RGSL1: variants seen among roughly 807,000 people sequenced by gnomAD.
RGSL1 encodes the protein regulator of G protein signaling like 1.
In RGSL1, 97 loss-of-function variants were observed where a neutral mutation model predicts 124.7. That is an observed-to-expected ratio of 0.78 (90% CI 0.66 to 0.92). RGSL1 has a LOEUF of 0.92. RGSL1 is among the 40% of genes least tolerant of loss of function. The pLI, the probability that RGSL1 is intolerant of heterozygous loss-of-function variation, is 0.00. For synonymous variants in RGSL1, 424 were observed against 438.1 expected, an observed-to-expected ratio of 0.97 and a Z score of 0.40; for missense variants, 1,233 against 1,288.4, an observed-to-expected ratio of 0.96 and a Z score of 0.66.
In RGSL1 at chr1:182,475,653, T is replaced by C. The variant is rs553322335; in HGVS notation, c.1431+1111T>C. ...TTCACAGTGATCTAGTTTGGAGGGA[T>C]TGGAGAAATAGATACCCCAAGCTCA... On this transcript the variant is annotated intron_variant, in intron 6 of 21. Coordinates refer to ENST00000294854, the MANE Select transcript of RGSL1 (RefSeq NM_001137669.2). Among the ~76,000 whole-genome samples, 237 of 152,080 alleles carry C rather than the reference T, an allele frequency of 1.6e-3. 4 individuals are homozygous for C. The highest frequency in any genetic ancestry group is 0.015 in the South Asian group (70 of 4,804).
intron 14 of RGSL1, 106 bp from the exon 15 acceptor site, chr1:182,540,141 A>C: frequency 8.5e-7 from 1 of 1,175,018 alleles, no homozygotes; most frequent in African/African-American, 1.6e-5. Flanking sequence ...TCAGTAGGCC[A>C]AAAGGATGGA....
chr1:182,489,498 AC>A (rs1179440663), intron 8 of RGSL1, among the ~76,000 whole-genome samples: 3 of 152,210 alleles, frequency 2.0e-5, no homozygotes, highest in African/African-American at 7.2e-5. Context: ...ACTCTGGCCC[AC>A]CAAAGCATCA....
Position 182,527,736 on chromosome 1 carries a change from G to T in RGSL1, c.2089G>T (p.Val697Leu). 2 of 1,550,982 alleles carry T rather than the reference G, an allele frequency of 1.3e-6. No homozygotes were observed. The highest frequency in any genetic ancestry group is 1.2e-5 in the South Asian group (1 of 83,924). ...GATTTGCAAGTCTCTCATAGAAAAT[G>T]TAATCAAGACTTTCTTCCAAGGCCA... ...EKICKSLIEN[V>L]IKTFFQGQLS... Residue 697 changes from valine (V) to leucine (L), a missense_variant, in exon 11 of 22, where the codon GTA becomes TTA. Val to Leu is a conservative substitution (Grantham distance 32, BLOSUM62 1). Transcript: ENST00000294854.
At position 182,522,077 on chromosome 1, in the gene RGSL1, A is replaced by G; in HGVS notation, c.1899A>G (p.Arg633=). Residue 633 remains arginine, a synonymous_variant, in exon 10 of 22, where the codon AGA becomes AGG. Coordinates refer to ENST00000294854, the MANE Select transcript of RGSL1 (RefSeq NM_001137669.2). ...ATAGGAAAATGTCCTTGCTCAAAAG[A>G]ACTCTTGTAAGGAAGCCATCAATGA... ...RSNRKMSLLK[R]TLVRKPSMRP... The G allele has an allele frequency of 6.5e-7, 1 of 1,550,204 alleles. No individual in the cohort carries two copies. The highest frequency in any genetic ancestry group is 8.7e-7 in the Non-Finnish European group (1 of 1,146,474).
chr1:182,473,924 G>A lies in RGSL1; in HGVS notation c.813G>A (p.Lys271=). ...PDSWSLEMDL[K]PDAIGMPLQE... is the part of the protein sequence containing the mutation. ...CTTGGTCTCTGGAAATGGATCTCAA[G>A]CCAGATGCTATTGGTATGCCCCTAC... is the stretch of plus-strand genomic sequence containing the variant. The change falls in exon 6 of 22, where the codon AAG becomes AAA. Residue 271 remains lysine, a synonymous_variant. Coordinates refer to ENST00000294854, the MANE Select transcript of RGSL1 (RefSeq NM_001137669.2). The A allele has an allele frequency of 5.8e-6, 9 of 1,552,020 alleles. No homozygotes were observed. Among genetic ancestry groups the A allele is most frequent in the Non-Finnish European group, 7.8e-6 (9 of 1,147,054 alleles).
At chr1:182,516,232 GCC>G (rs559978913) in intron 9 of RGSL1, among the ~76,000 whole-genome samples, 208 of 152,356 alleles carry the variant, frequency 1.4e-3, no homozygotes, top group African/African-American at 4.8e-3. Context: ...AAGCAGAAAT[GCC>G]TGTTCCCATT....
At chr1:182,489,338 C>T in intron 8 of RGSL1, 136 bp downstream of exon 8, 1 of 748,934 alleles carries the variant, frequency 1.3e-6, no homozygotes, top group Non-Finnish European at 2.1e-6. Flanking sequence ...TCAAAACAGC[C>T]TAAGAGGTAA....
chr1:182,485,190 A>G (rs530253520), intron 6 of RGSL1, among the ~76,000 whole-genome samples: 7 of 152,244 alleles, frequency 4.6e-5, no homozygotes, highest in African/African-American at 1.7e-4. Flanking sequence ...TTTTCACAAT[A>G]GGAAGAAGTT....
chr1:182,551,011 C>T (rs1003236342), intron 17 of RGSL1, 89 bp from the exon 18 acceptor site: 2 of 824,894 alleles, frequency 2.4e-6, no homozygotes, highest in African/African-American at 3.4e-5. Context: ...TCTCTGAGGA[C>T]TGGCCCGGCC....
chr1:182,490,508 T>A (rs181687331), intron 8 of RGSL1, among the ~76,000 whole-genome samples: 1 of 152,350 alleles, frequency 6.6e-6, no homozygotes, highest in Non-Finnish European at 1.5e-5. Flanking sequence ...TGTTTGGGCA[T>A]AAGTTATTTA....
At position 182,540,274 on chromosome 1, in the gene RGSL1, G is replaced by A; in HGVS notation, c.2522G>A (p.Gly841Glu). 1 of 1,550,780 alleles carries A rather than the reference G, an allele frequency of 6.4e-7. No individual in the cohort carries two copies. Among genetic ancestry groups the A allele is most frequent in the Non-Finnish European group, 8.7e-7 (1 of 1,146,574 alleles). Residue 841 changes from glycine to glutamate, a missense_variant, in exon 15 of 22, where the codon GGA becomes GAA. Transcript: ENST00000294854. ...TTCACCACAGCACACAACACATCGG[G>A]ACGTTCAGCTCCACCCTCCACAAAT... ...ENFTTAHNTSGRSAPPSTNVR... is the reference protein window; with the variant it reads ...ENFTTAHNTSERSAPPSTNVR...
intron 9 of RGSL1, among the ~76,000 whole-genome samples, chr1:182,509,512 C>T (rs1179664858): frequency 6.6e-5 from 6 of 90,322 alleles, no homozygotes; most frequent in Non-Finnish European, 1.2e-4. Context: ...ACCTCCCTCC[C>T]GGACGGGGCA....
At chr1:182,472,976 G>A (rs1233927924) in intron 5 of RGSL1, among the ~76,000 whole-genome samples, 1 of 152,140 alleles carries the variant, frequency 6.6e-6, no homozygotes, top group Admixed American at 6.5e-5. Flanking sequence ...CTAATTTTAT[G>A]TGATTTACAA....
chr1:182,456,486 C>G (rs763874666), intron 2 of RGSL1, among the ~76,000 whole-genome samples: 1 of 152,060 alleles, frequency 6.6e-6, no homozygotes, highest in Non-Finnish European at 1.5e-5. Context: ...TTAGTAGAGA[C>G]GGAGTTTCTC....
upstream of RGSL1, chr1:182,450,037 A>G (rs1300800879): frequency 9.3e-7 from 1 of 1,073,316 alleles, no homozygotes; most frequent in African/African-American, 1.6e-5. Flanking sequence ...AGGTAAGTAG[A>G]TCACTGCCAG....
chr1:182,504,223 C>T (rs1195537094), intron 9 of RGSL1, among the ~76,000 whole-genome samples: 9 of 151,912 alleles, frequency 5.9e-5, no homozygotes, highest in African/African-American at 1.2e-4. Flanking sequence ...TCAGGTGATC[C>T]GCTCGCCTAC....
intron 17 of RGSL1, 154 bp from the exon 18 acceptor site, chr1:182,550,946 G>A (rs1660521169): frequency 1.6e-6 from 1 of 614,396 alleles, no homozygotes; most frequent in Middle Eastern, 4.4e-4. Flanking sequence ...AAGGCCACTG[G>A]CAGGTAGAAC....
rs75064621 is a variant in RGSL1 at position 182,500,359 on chromosome 1, T to G, written c.1825+7230T>G. 2.9e-3 allele frequency among the ~76,000 whole-genome samples: 448 copies of G among 152,334 alleles called. 7 individuals carry two copies. Among genetic ancestry groups the G allele is most frequent in the Admixed American group, 0.023 (353 of 15,292 alleles). On this transcript the variant is annotated intron_variant, in intron 9 of 21. Coordinates refer to ENST00000294854, the MANE Select transcript of RGSL1 (RefSeq NM_001137669.2). ...TTTTATTTTTGGAATCAAAATTCAA[T>G]TCCATTGATCTCTAAGTTTATTTTT...
chr1:182,551,301 C>A, intron 18 of RGSL1, 92 bp downstream of exon 18: 1 of 1,016,934 alleles, frequency 9.8e-7, no homozygotes, highest in South Asian at 1.4e-5. Flanking sequence ...TCAAGACTTC[C>A]TTGAGGGTGT....
Sources: gnomAD v4.1 joint callset for allele counts (sites outside exome capture counted in the v4.1 genomes callset) on GRCh38, gnomAD v4.1.1 for gene constraint, MANE v1.5 for transcripts, NCBI Gene and HGNC (gene_info 2026-07-23, HGNC 2026-07-21) for gene names.